The following EBI3 variants were observed in gnomAD, a reference collection of about 807,000 sequenced individuals.
EBI3 encodes the protein Epstein-Barr virus induced 3, also known as interleukin-27 subunit beta.
A neutral mutation model predicts 21.3 loss-of-function variants in EBI3; 19 were observed. That is an observed-to-expected ratio of 0.89 (90% CI 0.62 to 1.31). The LOEUF is 1.31. Among genes scored for constraint, EBI3 ranks in the 50% most tolerant of loss-of-function variants. EBI3 has a pLI of 0.00. For missense variants in EBI3, 331 were observed against 314.0 expected, an observed-to-expected ratio of 1.05 and a Z score of -0.41; for synonymous variants, 154 against 131.2, an observed-to-expected ratio of 1.17 and a Z score of -1.19.
rs776953936 is a variant in EBI3, at chr19:4,233,133, G to A, written c.205G>A (p.Gly69Ser). The change falls in exon 3 of 5, where the codon GGC becomes AGC. Residue 69 changes from glycine (G) to serine (S), a missense_variant. Physicochemically the swap from Gly to Ser is moderately conservative, Grantham distance 56. Coordinates refer to ENST00000221847, the MANE Select transcript of EBI3 (RefSeq NM_005755.3). ...AGCGAGCCCCACCCTGTGCAGGCTC[G>A]GCATGGCTGCCCGGGGCCACAGCTG... ...PVSFIATYRL[G>S]MAARGHSWPC... 1.6e-5 allele frequency: 25 copies of A among 1,591,212 alleles called. No homozygotes were observed. The highest frequency in any genetic ancestry group is 4.5e-5 in the East Asian group (2 of 44,590).
Position 4,233,283 on chromosome 19 carries a change from G to T in EBI3, c.355G>T (p.Val119Leu), listed in dbSNP as rs746574519. 9 of 1,611,004 alleles carry T rather than the reference G, an allele frequency of 5.6e-6. No individual in the cohort carries two copies. The highest frequency in any genetic ancestry group is 6.8e-6 in the Non-Finnish European group (8 of 1,179,256). ...VHPWGSSSSF[V>L]PFITEHIIKP... ...CCCCTGGGGCTCCAGCAGCAGCTTC[G>T]TGCCTTTCATAACAGAGCACATCAG... is the stretch of plus-strand genomic sequence containing the variant. The change falls in exon 3 of 5, where the codon GTG (valine) becomes TTG (leucine). Residue 119 changes from valine (V) to leucine (L), a missense_variant. Physicochemically the swap from Val to Leu is conservative, Grantham distance 32 (BLOSUM62 1). Transcript: ENST00000221847.
Position 4,234,832 on chromosome 19 carries a change from G to T in EBI3, c.537+8G>T. ...GCTGCGCGCTTCCACCGGGTGAGGA[G>T]GATGAGGGGGAGGCTGGAAAGGGTG... On this transcript the variant is annotated splice_region_variant and intron_variant, in intron 4 of 4. Transcript: ENST00000221847. The T allele has an allele frequency of 5.6e-6, 9 of 1,613,054 alleles. No homozygotes were observed. The highest frequency in any genetic ancestry group is 1.3e-5 in the African/African-American group (1 of 74,922).
intron 4 of EBI3, 40 bp downstream of exon 4, chr19:4,234,864 G>A (rs1362063663): frequency 1.9e-6 from 3 of 1,605,980 alleles, no homozygotes. Flanking sequence ...GGTGGTGCCT[G>A]GCAGAGGGAA....
At chr19:4,232,551 C>T (rs10402128) in intron 2 of EBI3, among the ~76,000 whole-genome samples, 2 of 150,588 alleles carry the variant, frequency 1.3e-5, no homozygotes, top group African/African-American at 4.9e-5. Context: ...GACCCCCCCC[C>T]ATCTGTAGAA....
chr19:4,233,079 T>C (rs902220821), intron 2 of EBI3, 50 bp from the exon 3 acceptor site: 41 of 1,464,456 alleles, frequency 2.8e-5, no homozygotes, highest in Non-Finnish European at 3.7e-5. Context: ...TAGGAGGTGC[T>C]GAGGCCACAG....
chr19:4,233,635 TCC>T (rs1244381441), intron 3 of EBI3, among the ~76,000 whole-genome samples: 2 of 152,080 alleles, frequency 1.3e-5, no homozygotes, highest in Non-Finnish European at 2.9e-5. Context: ...CCCAAGTCCT[TCC>T]TACTGCCCAC....
chr19:4,232,827 T>C (rs1374719487), intron 2 of EBI3, among the ~76,000 whole-genome samples: 1 of 143,090 alleles, frequency 7.0e-6, no homozygotes, highest in Non-Finnish European at 1.5e-5. Context: ...GATGAATGAA[T>C]GAATGAATGG....
chr19:4,234,523 GCTGTA>G, intron 3 of EBI3, 139 bp from the exon 4 acceptor site: 1 of 1,325,502 alleles, frequency 7.5e-7, no homozygotes, highest in Admixed American at 2.3e-5. Flanking sequence ...AGATCACGCC[GCTGTA>G]CTCCAGCCTG....
Position 4,234,696 on chromosome 19 carries a change from C to T in EBI3, c.409C>T (p.Leu137=), listed in dbSNP as rs73918073. Reference sequence around the variant, plus strand: ...GCCCGACCCTCCAGAAGGCGTGCGCCTAAGCCCCCTCGCTGAGCGCCAGCT... The same window carrying T: ...GCCCGACCCTCCAGAAGGCGTGCGCTTAAGCCCCCTCGCTGAGCGCCAGCT... The part of the protein sequence containing the change: ...IKPDPPEGVR[L]SPLAERQLQV... The change falls in exon 4 of 5, where the codon CTA becomes TTA. Residue 137 remains leucine (L), a synonymous_variant. Coordinates refer to ENST00000221847, the MANE Select transcript of EBI3 (RefSeq NM_005755.3). 7.3e-4 allele frequency: 1,179 copies of T among 1,614,140 alleles called. 12 individuals are homozygous for T. The African/African-American group carries it at 0.013, about 18-fold the overall frequency.
chr19:4,232,012 G>C (rs993903460), intron 2 of EBI3, among the ~76,000 whole-genome samples: 1 of 149,948 alleles, frequency 6.7e-6, no homozygotes, highest in African/African-American at 2.5e-5. Flanking sequence ...GGATCACAAG[G>C]TCAGGAGATG....
chr19:4,234,485 C>T (rs1041002638), intron 3 of EBI3, among the ~76,000 whole-genome samples, 182 bp from the exon 4 acceptor site: 2 of 152,120 alleles, frequency 1.3e-5, no homozygotes, highest in African/African-American at 4.8e-5. Flanking sequence ...ATCGCCTGAA[C>T]CTGGGAGGCA....
intron 1 of EBI3, among the ~76,000 whole-genome samples, chr19:4,230,115 G>A (rs1970769390): frequency 6.6e-6 from 1 of 152,004 alleles, no homozygotes; most frequent in Non-Finnish European, 1.5e-5. Flanking sequence ...GTAGAGATAG[G>A]GTTTTACCAT....
chr19:4,237,236 C>T lies in EBI3; in HGVS notation c.*148C>T, dbSNP rs760929981. 9.3e-5 allele frequency: 85 copies of T among 917,852 alleles called. No individual in the cohort carries two copies. The highest frequency in any genetic ancestry group is 4.8e-4 in the East Asian group (15 of 31,018). 56.9% of individuals were successfully genotyped at this position (917,852 alleles called of 1,614,324 possible). A position where few individuals can be genotyped will look rare whatever the true frequency, so the allele number is the denominator to read the frequency against. On this transcript the variant is annotated 3_prime_UTR_variant, in exon 5 of 5. Coordinates refer to ENST00000221847, the MANE Select transcript of EBI3 (RefSeq NM_005755.3). The stretch of plus-strand genomic sequence containing the variant: ...GAGCTGCCGGGCAACCTCAGATGAC[C>T]GACTTTTCCCTTTGAGCCTCAGTTT...
intron 4 of EBI3, 147 bp from the exon 5 acceptor site, chr19:4,236,789 G>C (rs1162870388): frequency 1.1e-6 from 1 of 901,378 alleles, no homozygotes; most frequent in Non-Finnish European, 1.5e-6. Context: ...GATGCTATTT[G>C]GGGTGGGGCC....
intron 2 of EBI3, 105 bp from the exon 3 acceptor site, chr19:4,233,024 C>G (rs545009481): frequency 2.3e-6 from 3 of 1,324,996 alleles, no homozygotes; most frequent in Admixed American, 6.4e-5. Context: ...CCGCTGCCCC[C>G]TCCTGTTCCT....
At chr19:4,230,164 T>C (rs780851168) in intron 1 of EBI3, among the ~76,000 whole-genome samples, 3 of 152,090 alleles carry the variant, frequency 2.0e-5, no homozygotes, top group Non-Finnish European at 4.4e-5. Context: ...CCTCAGGTGA[T>C]CCACCCACCT....
Position 4,233,322 on chromosome 19 carries a change from C to A in EBI3, c.379+15C>A. 2 of 1,455,438 alleles carry A rather than the reference C, an allele frequency of 1.4e-6. No homozygotes were observed. The allele number at this position is 1,455,438 out of a possible 1,614,324, so 90.2% of individuals were successfully genotyped here. ...AGAGCACATCAGTGAGTGGGGGCGG[C>A]AGTGGGGGCGGGGGCGGGGCTGCCG... On this transcript the variant is annotated intron_variant, in intron 3 of 4. Coordinates refer to ENST00000221847, the MANE Select transcript of EBI3 (RefSeq NM_005755.3).
chr19:4,230,779 G>A (rs1599486393), intron 1 of EBI3, among the ~76,000 whole-genome samples: 1 of 151,894 alleles, frequency 6.6e-6, no homozygotes, highest in Non-Finnish European at 1.5e-5. Context: ...AGCTACTCGG[G>A]AGGCTAAGAA....
intron 3 of EBI3, among the ~76,000 whole-genome samples, chr19:4,233,591 C>T (rs965205369): frequency 2.0e-4 from 30 of 151,990 alleles, no homozygotes; most frequent in Middle Eastern, 3.4e-3. Flanking sequence ...CTGCCTACAG[C>T]CCTCCATGGC....
Sources: gnomAD v4.1 joint callset for allele counts (sites outside exome capture counted in the v4.1 genomes callset) on GRCh38, gnomAD v4.1.1 for gene constraint, MANE v1.5 for transcripts, NCBI Gene and HGNC (gene_info 2026-07-23, HGNC 2026-07-21) for gene names.